FAM78B: variants seen among roughly 807,000 people sequenced by gnomAD.
FAM78B encodes the protein protein FAM78B.
In FAM78B, 10 loss-of-function variants were observed where a neutral mutation model predicts 20.0. The ratio of observed to expected loss-of-function variants is 0.50; its 90% CI spans 0.31 to 0.85. The LOEUF (loss-of-function observed/expected upper bound fraction) is 0.85. Among genes scored for constraint, FAM78B ranks in the 40% least tolerant of loss-of-function variants. FAM78B has a pLI of 0.05. For missense variants in FAM78B, 283 were observed against 345.0 expected (o/e 0.82, Z 1.42); for synonymous variants, 135 against 132.8 (o/e 1.02, Z -0.12).
chr1:166,135,203 C>T (rs1427023140), intron 1 of FAM78B, among the ~76,000 whole-genome samples: 1 of 152,152 alleles, frequency 6.6e-6, no homozygotes, highest in Non-Finnish European at 1.5e-5. Flanking sequence ...ATCAACACGG[C>T]TTATAACTGC....
intron 1 of FAM78B, among the ~76,000 whole-genome samples, chr1:166,092,903 T>C (rs1445631510): frequency 6.6e-6 from 1 of 152,232 alleles, no homozygotes; most frequent in Admixed American, 6.5e-5. Flanking sequence ...TAGGTGGATA[T>C]GATCATCATC....
chr1:166,067,735 T>C (rs954788771), downstream of FAM78B, among the ~76,000 whole-genome samples: 11 of 152,210 alleles, frequency 7.2e-5, no homozygotes, highest in Admixed American at 2.0e-4. Flanking sequence ...ACTTCAGAGC[T>C]GAGACACCCA....
intron 1 of FAM78B, among the ~76,000 whole-genome samples, chr1:166,137,579 G>T (rs1488664189): frequency 6.6e-6 from 1 of 151,718 alleles, no homozygotes; most frequent in Non-Finnish European, 1.5e-5. Flanking sequence ...GGATAAATGT[G>T]CTCCCTGTGA....
intron 1 of FAM78B, among the ~76,000 whole-genome samples, chr1:166,106,281 G>C (rs1377220667): frequency 6.6e-6 from 1 of 150,908 alleles, no homozygotes. Flanking sequence ...GGTGCAGCAC[G>C]CCAACATGGC....
chr1:166,104,477 CCTT>C (rs1389589120), intron 1 of FAM78B, among the ~76,000 whole-genome samples: 1 of 152,196 alleles, frequency 6.6e-6, no homozygotes, highest in Non-Finnish European at 1.5e-5. Context: ...CCCAAAATCT[CCTT>C]AAGCTGATAA....
chr1:166,118,484 GA>G (rs1325060928), intron 1 of FAM78B, among the ~76,000 whole-genome samples: 22 of 152,216 alleles, frequency 1.4e-4, no homozygotes, highest in African/African-American at 5.3e-4. Context: ...TTTATTGCTA[GA>G]AATAACCTTA....
chr1:166,150,985 T>C (rs1655649958), intron 1 of FAM78B, among the ~76,000 whole-genome samples: 1 of 152,010 alleles, frequency 6.6e-6, no homozygotes, highest in Non-Finnish European at 1.5e-5. Flanking sequence ...TGTTTAGAAG[T>C]TGGATGGTAT....
chr1:166,165,414 T>C lies in FAM78B; in HGVS notation c.263+572A>G, dbSNP rs559764906. On this transcript the variant is annotated intron_variant, in intron 1 of 1. Coordinates refer to ENST00000354422, the MANE Select transcript of FAM78B (RefSeq NM_001017961.5). ...AGAGGCAACTGTGTCCGGCTTGTGG[T>C]TCCAGACGGAAACGCCTCCGGGCTC... 1.1e-4 allele frequency among the ~76,000 whole-genome samples: 16 copies of C among 152,116 alleles called. No individual in the cohort carries two copies. In the South Asian group the frequency reaches 1.2e-3, roughly 12 times the overall value.
At chr1:166,121,097 C>T (rs1557907660) in intron 1 of FAM78B, among the ~76,000 whole-genome samples, 3 of 152,114 alleles carry the variant, frequency 2.0e-5, no homozygotes, top group South Asian at 2.1e-4. Flanking sequence ...TTTAAAAGCC[C>T]GCTTATCATA....
intron 1 of FAM78B, among the ~76,000 whole-genome samples, chr1:166,141,943 C>G (rs1015564008): frequency 6.6e-6 from 1 of 152,146 alleles, no homozygotes; most frequent in Non-Finnish European, 1.5e-5. Flanking sequence ...AGGGAGGAGG[C>G]AGGCTGAGAG....
intron 2 of FAM78B, among the ~76,000 whole-genome samples, chr1:166,061,301 G>C (rs977796409): frequency 2.0e-5 from 3 of 152,160 alleles, no homozygotes; most frequent in African/African-American, 7.2e-5. Context: ...AGTTGCTCTA[G>C]GGTAAAGCCA....
At position 166,109,900 on chromosome 1, in the gene FAM78B, A is replaced by ATGTGTG. The variant is rs1553219518; in HGVS notation, c.264-39138_264-39137insCACACA. 4.9e-5 allele frequency among the ~76,000 whole-genome samples: 5 copies of ATGTGTG among 102,782 alleles called. 1 individual carries two copies. Among genetic ancestry groups the ATGTGTG allele is most frequent in the African/African-American group, 1.6e-4 (5 of 30,992 alleles). 67.4% of individuals were successfully genotyped at this position (102,782 alleles called of 152,430 possible). ...TATATATGTATATATGTATATATAT[A>ATGTGTG]TATATATATATATATATATAATGGA... is the stretch of plus-strand genomic sequence containing the variant. On this transcript the variant is annotated intron_variant, in intron 1 of 1. Coordinates refer to ENST00000354422, the MANE Select transcript of FAM78B (RefSeq NM_001017961.5).
At chr1:166,080,598 C>T (rs1652526198) in intron 1 of FAM78B, among the ~76,000 whole-genome samples, 1 of 152,238 alleles carries the variant, frequency 6.6e-6, no homozygotes, top group Non-Finnish European at 1.5e-5. Flanking sequence ...GGAAAAGAGG[C>T]TTCTGCCTTT....
chr1:166,143,459 A>C lies in FAM78B; in HGVS notation c.263+22527T>G, dbSNP rs141625198. 2.0e-3 allele frequency among the ~76,000 whole-genome samples: 298 copies of C among 152,294 alleles called. 1 individual carries two copies. Among genetic ancestry groups the C allele is most frequent in the Admixed American group, 2.9e-3 (45 of 15,302 alleles). On this transcript the variant is annotated intron_variant, in intron 1 of 1. Coordinates refer to ENST00000354422, the MANE Select transcript of FAM78B (RefSeq NM_001017961.5). ...GTTTCAGAGATGTTTCTGGTTCCCTATCTAGGAAAGGTCAGGCCAACAGAG... is the reference window on the plus strand; with the variant it reads ...GTTTCAGAGATGTTTCTGGTTCCCTCTCTAGGAAAGGTCAGGCCAACAGAG...
intron 1 of FAM78B, among the ~76,000 whole-genome samples, chr1:166,127,685 T>C (rs1361535057): frequency 6.6e-6 from 1 of 152,104 alleles, no homozygotes; most frequent in Non-Finnish European, 1.5e-5. Flanking sequence ...AAAGGAAAAG[T>C]TGGTGATGAA....
chr1:166,139,806 T>C (rs1226933181), intron 1 of FAM78B, among the ~76,000 whole-genome samples: 1 of 152,190 alleles, frequency 6.6e-6, no homozygotes, highest in African/African-American at 2.4e-5. Context: ...CAGTATGGTC[T>C]TTTAACCAGA....
chr1:166,068,469 G>A (rs1476538175), downstream of FAM78B, among the ~76,000 whole-genome samples: 1 of 152,192 alleles, frequency 6.6e-6, no homozygotes, highest in Non-Finnish European at 1.5e-5. Context: ...GTTGGGGTGT[G>A]AAGTTAACAC....
intron 1 of FAM78B, among the ~76,000 whole-genome samples, chr1:166,137,358 T>C (rs1655105589): frequency 6.6e-6 from 1 of 152,218 alleles, no homozygotes; most frequent in African/African-American, 2.4e-5. Context: ...ATGTCCACCA[T>C]CCGCCATATT....
At chr1:166,072,769 C>T (rs1001179167) in intron 1 of FAM78B, among the ~76,000 whole-genome samples, 7 of 152,218 alleles carry the variant, frequency 4.6e-5, no homozygotes, top group Non-Finnish European at 8.8e-5. Flanking sequence ...CGAGCAGTGG[C>T]AGACTGTTCT....
Sources: gnomAD v4.1 joint callset for allele counts (sites outside exome capture counted in the v4.1 genomes callset) on GRCh38, gnomAD v4.1.1 for gene constraint, MANE v1.5 for transcripts, NCBI Gene and HGNC (gene_info 2026-07-23, HGNC 2026-07-21) for gene names.